The following PDE3B variants were observed in gnomAD, a reference collection of about 807,000 sequenced individuals.
The protein encoded by PDE3B is phosphodiesterase 3B.
In PDE3B, 66 loss-of-function variants were observed where a neutral mutation model predicts 116.8. That is an observed-to-expected ratio of 0.56 (90% confidence interval 0.46 to 0.69). PDE3B has a LOEUF of 0.69. Ranked by LOEUF, PDE3B falls within the 30% of genes least tolerant of loss-of-function variation. The probability of loss-of-function intolerance (pLI) is 0.00; values close to 1 mark genes in which losing one functional copy is unlikely to be tolerated. For synonymous variants in PDE3B, 595 were observed against 533.6 expected, an observed-to-expected ratio of 1.12 and a Z score of -1.59; for missense variants, 1,384 against 1,368.1, an observed-to-expected ratio of 1.01 and a Z score of -0.18.
At chr11:14,892,371 G>C in the PDE3B span, 3 of 663,986 alleles carry the variant, frequency 4.5e-6, no homozygotes, top group Non-Finnish European at 7.7e-6. Flanking sequence ...CTACCTTCTA[G>C]TTTTGCGCGG....
intron 1 of PDE3B, among the ~76,000 whole-genome samples, chr11:14,706,284 G>A (rs1003372228): frequency 6.6e-6 from 1 of 151,704 alleles, no homozygotes; most frequent in Non-Finnish European, 1.5e-5. Context: ...AATGAAGAAG[G>A]AAAATTAAAA....
chr11:14,727,004 G>A (rs1389068908), intron 1 of PDE3B, among the ~76,000 whole-genome samples: 2 of 152,152 alleles, frequency 1.3e-5, no homozygotes, highest in East Asian at 1.9e-4. Flanking sequence ...AGGTCTAGCT[G>A]TCATCAGTTA....
At chr11:14,737,082 C>G (rs1311965441) in intron 1 of PDE3B, among the ~76,000 whole-genome samples, 1 of 151,776 alleles carries the variant, frequency 6.6e-6, no homozygotes, top group Non-Finnish European at 1.5e-5. Flanking sequence ...TACATAGGCT[C>G]GTAATAAAGA....
intron 1 of PDE3B, among the ~76,000 whole-genome samples, chr11:14,729,787 G>A (rs979038413): frequency 1.3e-5 from 2 of 152,118 alleles, no homozygotes; most frequent in African/African-American, 2.4e-5. Context: ...ATTTAATGGA[G>A]TGTTCAAATA....
chr11:14,749,561 T>G (rs932037930), intron 1 of PDE3B, among the ~76,000 whole-genome samples: 3 of 152,064 alleles, frequency 2.0e-5, no homozygotes, highest in Admixed American at 6.5e-5. Context: ...AATCATAAAA[T>G]ATTTGAGGAC....
rs1320680049 is a variant in PDE3B at position 14,871,160 on chromosome 11, T to C, written c.*1500T>C. On this transcript the variant is annotated 3_prime_UTR_variant, in exon 16 of 16. Transcript: ENST00000282096. ...TTCTTACTTATCTAGAATATTTGGC[T>C]TATCTGAAAGATATCAATTTAAGAT... 1 of 152,174 alleles carries C rather than the reference T, an allele frequency of 6.6e-6. No homozygotes were observed. Among genetic ancestry groups the C allele is most frequent in the African/African-American group, 2.4e-5 (1 of 41,442 alleles). The allele number at this position is 152,174 out of a possible 1,614,324, so 9.4% of individuals were successfully genotyped here. A position where few individuals can be genotyped will look rare whatever the true frequency, so the allele number is the denominator to read the frequency against.
At chr11:14,650,772 G>C (rs545543951) in intron 1 of PDE3B, among the ~76,000 whole-genome samples, 1 of 152,106 alleles carries the variant, frequency 6.6e-6, no homozygotes, top group Admixed American at 6.5e-5. Context: ...GCTAGCTTTG[G>C]TGATGAAAGA....
intron 2 of PDE3B, among the ~76,000 whole-genome samples, chr11:14,777,924 C>T (rs945789426): frequency 1.1e-4 from 17 of 152,132 alleles, no homozygotes; most frequent in African/African-American, 1.4e-4. Context: ...CCATGACAGA[C>T]GGCACCTGGA....
chr11:14,688,848 C>G (rs767868297), intron 1 of PDE3B, among the ~76,000 whole-genome samples: 1 of 152,196 alleles, frequency 6.6e-6, no homozygotes, highest in Non-Finnish European at 1.5e-5. Context: ...TCTTGGCTCA[C>G]TGCAACCTCT....
chr11:14,741,398 G>C (rs998695153), intron 1 of PDE3B, among the ~76,000 whole-genome samples: 2 of 151,984 alleles, frequency 1.3e-5, no homozygotes, highest in Non-Finnish European at 2.9e-5. Flanking sequence ...TTTAAAGTCC[G>C]TTTTATCAGA....
chr11:14,733,370 C>A (rs1007151710), intron 1 of PDE3B, among the ~76,000 whole-genome samples: 1 of 152,090 alleles, frequency 6.6e-6, no homozygotes, highest in Non-Finnish European at 1.5e-5. Flanking sequence ...TCTTTTCCTG[C>A]GCATTCTCTC....
intron 1 of PDE3B, among the ~76,000 whole-genome samples, chr11:14,664,417 A>C: frequency 1.3e-5 from 2 of 152,228 alleles, no homozygotes; most frequent in African/African-American, 4.8e-5. Flanking sequence ...AACTAAAATC[A>C]GAGCAGAACT....
At chr11:14,867,259 TGTA>T in intron 14 of PDE3B, among the ~76,000 whole-genome samples, 1 of 152,324 alleles carries the variant, frequency 6.6e-6, no homozygotes, top group East Asian at 1.9e-4. Flanking sequence ...TTAATAGATC[TGTA>T]TGTTTCTTAT....
chr11:14,873,925 C>T (rs1335659815), downstream of PDE3B, among the ~76,000 whole-genome samples: 5 of 152,194 alleles, frequency 3.3e-5, no homozygotes, highest in South Asian at 4.1e-4. Context: ...TGGTGGTTCA[C>T]GCTGCAATCC....
At chr11:14,737,669 AG>A (rs1331497986) in intron 1 of PDE3B, among the ~76,000 whole-genome samples, 1 of 152,154 alleles carries the variant, frequency 6.6e-6, no homozygotes, top group Non-Finnish European at 1.5e-5. Flanking sequence ...CACAATGTGC[AG>A]GTTAGTTACA....
At position 14,644,051 on chromosome 11, in the gene PDE3B, C is replaced by G; in HGVS notation, c.-25C>G. 1 of 1,479,172 alleles carries G rather than the reference C, an allele frequency of 6.8e-7. No individual in the cohort carries two copies. Among genetic ancestry groups the G allele is most frequent in the Non-Finnish European group, 8.9e-7 (1 of 1,125,750 alleles). 91.6% of individuals were successfully genotyped at this position (1,479,172 alleles called of 1,614,324 possible). A position where few individuals can be genotyped will look rare whatever the true frequency, so the allele number is the denominator to read the frequency against. ...ACGGTACGAGCGGGGTGTGCTGAGT[C>G]CCGTGGCCACCCCCGGCCCCAGCCA... On this transcript the variant is annotated 5_prime_UTR_variant, in exon 1 of 16. Coordinates refer to ENST00000282096, the MANE Select transcript of PDE3B (RefSeq NM_000922.4).
rs553649107 is a variant in PDE3B at position 14,716,158 on chromosome 11, C to T, written c.979-55779C>T. On this transcript the variant is annotated intron_variant, in intron 1 of 15. Coordinates refer to ENST00000282096, the MANE Select transcript of PDE3B (RefSeq NM_000922.4). ...CTTTCCGAGTCAAAGAAAGGGGTGA[C>T]GGACGCACCTGGAAAATCGGGTCAC... Among the ~76,000 whole-genome samples, 588 of 152,190 alleles carry T rather than the reference C, an allele frequency of 3.9e-3. 2 individuals carry two copies. The highest frequency in any genetic ancestry group is 6.5e-3 in the Non-Finnish European group (441 of 68,008).
the PDE3B span, among the ~76,000 whole-genome samples, chr11:14,895,600 G>T: frequency 6.6e-6 from 1 of 152,162 alleles, no homozygotes; most frequent in Non-Finnish European, 1.5e-5. Flanking sequence ...TTTTCATTGT[G>T]CTCTTAGGAG....
intron 2 of PDE3B, among the ~76,000 whole-genome samples, chr11:14,786,128 A>C (rs1858185014): frequency 6.6e-6 from 1 of 152,020 alleles, no homozygotes; most frequent in Non-Finnish European, 1.5e-5. Context: ...AAGGTAAATG[A>C]AATAAATGCT....
Sources: gnomAD v4.1 joint callset for allele counts (sites outside exome capture counted in the v4.1 genomes callset) on GRCh38, gnomAD v4.1.1 for gene constraint, MANE v1.5 for transcripts, NCBI Gene and HGNC (gene_info 2026-07-23, HGNC 2026-07-21) for gene names.